The following CPNE8 variants were observed in gnomAD, a reference collection of about 807,000 sequenced individuals.
CPNE8 encodes copine-8.
CPNE8 carries 45 observed loss-of-function variants against 81.5 expected under a neutral mutation model. That is an observed-to-expected ratio of 0.55 (90% CI 0.44 to 0.71). The LOEUF is 0.71. CPNE8 is among the 30% of genes least tolerant of loss of function. The pLI, the probability that CPNE8 is intolerant of heterozygous loss-of-function variation, is 0.00. For missense variants in CPNE8, 594 were observed against 672.1 expected (o/e 0.88, Z 1.28); for synonymous variants, 252 against 226.3 (o/e 1.11, Z -1.02).
intron 1 of CPNE8, among the ~76,000 whole-genome samples, chr12:38,900,145 C>G (rs990958817): frequency 6.7e-6 from 1 of 150,114 alleles, no homozygotes; most frequent in African/African-American, 2.4e-5. Context: ...CTCCAGCACA[C>G]CATCAAAAAG....
chr12:38,718,770 T>A (rs984910994), intron 13 of CPNE8, among the ~76,000 whole-genome samples: 1 of 152,204 alleles, frequency 6.6e-6, no homozygotes, highest in Non-Finnish European at 1.5e-5. Flanking sequence ...TACCATGTAT[T>A]TACATTGCAG....
chr12:38,858,309 T>C (rs1453931408), intron 3 of CPNE8, among the ~76,000 whole-genome samples: 1 of 152,192 alleles, frequency 6.6e-6, no homozygotes. Context: ...TTGGGGCTTA[T>C]CCTGGGAGGG....
chr12:38,853,500 A>G (rs1592138283), intron 3 of CPNE8, among the ~76,000 whole-genome samples: 1 of 152,270 alleles, frequency 6.6e-6, no homozygotes, highest in East Asian at 1.9e-4. Flanking sequence ...ATGATACAGT[A>G]TTAAGTTTTC....
intron 6 of CPNE8, among the ~76,000 whole-genome samples, chr12:38,797,979 C>G (rs529162202): frequency 6.6e-6 from 1 of 151,608 alleles, no homozygotes; most frequent in Admixed American, 6.6e-5. Context: ...TGAAATGAAG[C>G]GAGAAGGGAA....
chr12:38,886,780 G>T (rs1944243547), intron 1 of CPNE8, among the ~76,000 whole-genome samples: 1 of 152,108 alleles, frequency 6.6e-6, no homozygotes, highest in South Asian at 2.1e-4. Flanking sequence ...GCCAGGGTCT[G>T]GTGGAAGGAA....
chr12:38,658,294 A>T (rs1306815816), intron 19 of CPNE8, among the ~76,000 whole-genome samples: 1 of 152,176 alleles, frequency 6.6e-6, no homozygotes, highest in East Asian at 1.9e-4. Flanking sequence ...AGAAGAAAGG[A>T]TATCAGTGAT....
chr12:38,705,235 A>G (rs756150354), intron 13 of CPNE8, among the ~76,000 whole-genome samples: 2 of 152,156 alleles, frequency 1.3e-5, no homozygotes, highest in Non-Finnish European at 2.9e-5. Context: ...TGGATAAATA[A>G]TGATGGGATT....
At chr12:38,906,676 T>A, upstream of CPNE8, 1 of 910,102 alleles carries the variant, frequency 1.1e-6, no homozygotes, top group Non-Finnish European at 1.3e-6. Context: ...GACGGAGTCG[T>A]GGCAAAAGCA....
chr12:38,876,143 TA>T (rs1254240077), intron 1 of CPNE8, among the ~76,000 whole-genome samples: 2 of 151,672 alleles, frequency 1.3e-5, no homozygotes, highest in Admixed American at 6.6e-5. Flanking sequence ...CTTACTTATG[TA>T]AAAAAAAATA....
chr12:38,776,894 C>T (rs931494479), intron 6 of CPNE8, among the ~76,000 whole-genome samples: 1 of 151,900 alleles, frequency 6.6e-6, no homozygotes, highest in Non-Finnish European at 1.5e-5. Context: ...ACTGTGCTGC[C>T]AGTCATACAA....
At chr12:38,906,110 A>G (rs1432053935), upstream of CPNE8, 1 of 985,984 alleles carries the variant, frequency 1.0e-6, no homozygotes, top group African/African-American at 1.7e-5. Flanking sequence ...CTGCCCCGTT[A>G]TAAGGTCCCC....
intron 11 of CPNE8, among the ~76,000 whole-genome samples, chr12:38,728,931 A>AGG (rs1319115060): frequency 6.6e-6 from 1 of 152,144 alleles, no homozygotes; most frequent in Non-Finnish European, 1.5e-5. Context: ...ATGGCCTTAC[A>AGG]GGGTATTTAA....
intron 3 of CPNE8, among the ~76,000 whole-genome samples, chr12:38,864,779 C>T (rs1017258533): frequency 1.3e-5 from 2 of 152,148 alleles, no homozygotes; most frequent in Admixed American, 1.3e-4. Flanking sequence ...TCATGGCCTT[C>T]AGAGAAGAAG....
chr12:38,677,052 A>T (rs1939306300), intron 17 of CPNE8, among the ~76,000 whole-genome samples: 1 of 152,150 alleles, frequency 6.6e-6, no homozygotes, highest in Non-Finnish European at 1.5e-5. Context: ...TTAATCAATC[A>T]GTCACTATCC....
Position 38,873,002 on chromosome 12 carries a change from ACC to A in CPNE8, c.186_186+1del. 6.6e-7 allele frequency: 1 copy of A among 1,520,748 alleles called. No individual in the cohort carries two copies. The highest frequency in any genetic ancestry group is 9.1e-7 in the Non-Finnish European group (1 of 1,099,694). 94.2% of individuals were successfully genotyped at this position (1,520,748 alleles called of 1,614,324 possible). ...ATTTTTTTAAAAAAGTTTTAAACTT[ACC>A]TCTCTCCATTCTTTATTTCCAACTC... On this transcript the variant is annotated splice_donor_variant and coding_sequence_variant, in exon 3 of 20. Transcript: ENST00000331366. LOFTEE classifies it high-confidence loss of function.
At chr12:38,890,759 T>C (rs1422741597) in intron 1 of CPNE8, among the ~76,000 whole-genome samples, 2 of 152,096 alleles carry the variant, frequency 1.3e-5, no homozygotes, top group African/African-American at 4.8e-5. Context: ...AAGTCTTCCT[T>C]GAGTAAAAGA....
At chr12:38,672,298 G>C (rs1939191995) in intron 18 of CPNE8, among the ~76,000 whole-genome samples, 1 of 152,160 alleles carries the variant, frequency 6.6e-6, no homozygotes, top group Non-Finnish European at 1.5e-5. Context: ...AGTCATTTAG[G>C]CAATACTGTA....
At chr12:38,724,929 T>C (rs1940659378) in intron 11 of CPNE8, 30 bp from the exon 12 acceptor site, 2 of 1,506,714 alleles carry the variant, frequency 1.3e-6, no homozygotes, top group Non-Finnish European at 1.8e-6. Context: ...AATTAAAATG[T>C]GTTAGGTTTT....
intron 10 of CPNE8, among the ~76,000 whole-genome samples, chr12:38,745,619 T>C (rs1941209574): frequency 6.6e-6 from 1 of 152,298 alleles, no homozygotes; most frequent in South Asian, 2.1e-4. Flanking sequence ...CACAGCTCAT[T>C]GCAGCCTGGA....
Sources: allele counts gnomAD v4.1 joint callset (sites outside exome capture counted in the v4.1 genomes callset), GRCh38; gene constraint gnomAD v4.1.1; transcripts MANE v1.5; gene names NCBI Gene and HGNC (gene_info 2026-07-23, HGNC 2026-07-21).